The following SLC8A1 variants were observed in gnomAD, a reference collection of about 807,000 sequenced individuals.
SLC8A1 encodes solute carrier family 8 member A1.
A neutral mutation model predicts 68.3 loss-of-function variants in SLC8A1; 18 were observed. The observed-to-expected ratio is 0.26, with a 90% CI of 0.18 to 0.39. SLC8A1 has a LOEUF of 0.39. Ranked by LOEUF, SLC8A1 falls within the 10% of genes least tolerant of loss-of-function variation. The pLI is 1.00. For missense variants in SLC8A1, 985 were observed against 1,156.7 expected (o/e 0.85, Z 2.15); for synonymous variants, 475 against 415.5 (o/e 1.14, Z -1.74).
chr2:40,205,280 A>G (rs563035325), intron 2 of SLC8A1, among the ~76,000 whole-genome samples: 4 of 104,784 alleles, frequency 3.8e-5, no homozygotes, highest in Non-Finnish European at 8.8e-5. Context: ...ATCGTTTATA[A>G]GTCTAAAAAG....
intron 7 of SLC8A1, among the ~76,000 whole-genome samples, chr2:40,124,556 C>T (rs1309025928): frequency 6.6e-6 from 1 of 152,124 alleles, no homozygotes; most frequent in Non-Finnish European, 1.5e-5. Flanking sequence ...AAAATTTCCT[C>T]CATTAACTCA....
Position 40,481,470 on chromosome 2 carries a change from T to C in SLC8A1, c.-25+30879A>G, listed in dbSNP as rs991702801. 6.6e-5 allele frequency among the ~76,000 whole-genome samples: 10 copies of C among 152,290 alleles called. 1 individual carries two copies. The East Asian group carries it at 1.9e-3, about 29-fold the overall frequency. ...GTTTTCTTGTTTATAAAAATAAGAGTGTCACTTTTCTTACAGAACTGTTGT... is the reference window on the plus strand; with the variant it reads ...GTTTTCTTGTTTATAAAAATAAGAGCGTCACTTTTCTTACAGAACTGTTGT... On this transcript the variant is annotated intron_variant, in intron 1 of 7. Coordinates refer to the SLC8A1 transcript ENST00000402441.
At chr2:40,252,331 T>G (rs779714064) in intron 2 of SLC8A1, among the ~76,000 whole-genome samples, 1 of 152,086 alleles carries the variant, frequency 6.6e-6, no homozygotes, top group Non-Finnish European at 1.5e-5. Context: ...ATAGTACATT[T>G]GTATTTTGAT....
intron 2 of SLC8A1, among the ~76,000 whole-genome samples, chr2:40,365,343 G>T (rs1201779804): frequency 6.6e-6 from 1 of 151,986 alleles, no homozygotes; most frequent in East Asian, 1.9e-4. Context: ...TTGCTTCAGG[G>T]CTATATCTTT....
chr2:40,433,318 T>C (rs1027631719), intron 1 of SLC8A1, among the ~76,000 whole-genome samples: 1 of 152,178 alleles, frequency 6.6e-6, no homozygotes, highest in East Asian at 1.9e-4. Context: ...ATTTCTTACA[T>C]CCAAGTCTTT....
At chr2:40,467,524 G>A (rs1386081467) in intron 1 of SLC8A1, among the ~76,000 whole-genome samples, 2 of 152,100 alleles carry the variant, frequency 1.3e-5, no homozygotes, top group African/African-American at 4.8e-5. Flanking sequence ...AGCTGCTATT[G>A]TTGTCTCCTT....
At chr2:40,268,352 G>C (rs2065620139) in intron 2 of SLC8A1, among the ~76,000 whole-genome samples, 1 of 152,120 alleles carries the variant, frequency 6.6e-6, no homozygotes, top group Non-Finnish European at 1.5e-5. Flanking sequence ...CACTAAGTGG[G>C]TCTAATGCAA....
At chr2:40,327,566 G>T (rs2075968122) in intron 2 of SLC8A1, among the ~76,000 whole-genome samples, 1 of 149,768 alleles carries the variant, frequency 6.7e-6, no homozygotes, top group South Asian at 2.2e-4. Flanking sequence ...CTTCACCGTG[G>T]AATACTATGC....
At chr2:40,478,056 A>T (rs1051280151) in intron 1 of SLC8A1, among the ~76,000 whole-genome samples, 5 of 152,116 alleles carry the variant, frequency 3.3e-5, no homozygotes, top group African/African-American at 1.2e-4. Context: ...AGTCAGTAAT[A>T]CAGTTTCTGA....
intron 2 of SLC8A1, among the ~76,000 whole-genome samples, chr2:40,253,018 T>A (rs62640439): frequency 1.0e-5 from 1 of 98,238 alleles, no homozygotes; most frequent in Non-Finnish European, 2.2e-5. Flanking sequence ...TGTATCTGTA[T>A]ATATGTATAT....
chr2:40,487,503 A>G (rs1192417362), intron 1 of SLC8A1, among the ~76,000 whole-genome samples: 1 of 152,182 alleles, frequency 6.6e-6, no homozygotes, highest in Non-Finnish European at 1.5e-5. Flanking sequence ...TCTTCTTAAA[A>G]ACTGCTTTTG....
intron 2 of SLC8A1, among the ~76,000 whole-genome samples, chr2:40,184,439 C>A (rs1332393578): frequency 6.6e-6 from 1 of 151,968 alleles, no homozygotes; most frequent in Non-Finnish European, 1.5e-5. Context: ...AAGTTGTTTT[C>A]CCCTCTCAAG....
At chr2:40,223,560 G>A (rs2058617188) in intron 2 of SLC8A1, 1 of 151,796 alleles carries the variant, frequency 6.6e-6, no homozygotes, top group Admixed American at 6.6e-5. Flanking sequence ...ATTGCTATTT[G>A]GATGGTTTCT....
At chr2:40,281,885 C>G (rs1454773062) in intron 2 of SLC8A1, among the ~76,000 whole-genome samples, 2 of 152,180 alleles carry the variant, frequency 1.3e-5, no homozygotes, top group African/African-American at 2.4e-5. Context: ...TTTGAAGACT[C>G]TGTCTTCACT....
intron 2 of SLC8A1, among the ~76,000 whole-genome samples, chr2:40,183,140 A>G (rs1287627885): frequency 1.3e-5 from 2 of 152,196 alleles, no homozygotes; most frequent in African/African-American, 4.8e-5. Flanking sequence ...TGACAGGGAA[A>G]ACAATGACTC....
rs139842575 is a variant in SLC8A1 at position 40,139,663 on chromosome 2, G to C, written c.2175C>G (p.Asp725Glu). The change falls in exon 7 of 8, where the codon GAC becomes GAG. Residue 725 changes from aspartate (D) to glutamate (E), a missense_variant. Physicochemically the swap from Asp to Glu is conservative, Grantham distance 45. Transcript: ENST00000406785. Reference sequence around the variant, plus strand: ...GCTTCTCTTCCCCACATTCATCGTCGTCATCATCTTCCCCTAGAGAGAATG... The same window carrying C: ...GCTTCTCTTCCCCACATTCATCGTCCTCATCATCTTCCCCTAGAGAGAATG... 3.7e-6 allele frequency: 6 copies of C among 1,613,566 alleles called. No individual in the cohort carries two copies. The Admixed American group carries it at 1.0e-4, about 27-fold the overall frequency.
intron 2 of SLC8A1, among the ~76,000 whole-genome samples, chr2:40,271,880 T>C (rs954369681): frequency 2.6e-5 from 4 of 152,152 alleles, no homozygotes; most frequent in African/African-American, 9.7e-5. Context: ...ATTTATTTTT[T>C]TTTAGAGTCA....
At chr2:40,346,872 T>C (rs1372691646) in intron 2 of SLC8A1, among the ~76,000 whole-genome samples, 4 of 152,180 alleles carry the variant, frequency 2.6e-5, no homozygotes, top group African/African-American at 4.8e-5. Flanking sequence ...CCAGCATCTG[T>C]CTGTGTTCCA....
At chr2:40,429,276 C>G in exon 2 of SLC8A1, 1 of 1,613,882 alleles carries the variant, frequency 6.2e-7, no homozygotes, top group Non-Finnish European at 8.5e-7. Context: ...CTGGATGCTT[C>G]TGCTTAAGTT....
Sources: gnomAD v4.1 joint callset for allele counts (sites outside exome capture counted in the v4.1 genomes callset) on GRCh38, gnomAD v4.1.1 for gene constraint, MANE v1.5 for transcripts, NCBI Gene and HGNC (gene_info 2026-07-23, HGNC 2026-07-21) for gene names.